DENND1A: variants seen among roughly 807,000 people sequenced by gnomAD.
DENND1A encodes DENN domain-containing protein 1A.
DENND1A carries 51 observed loss-of-function variants against 113.7 expected under a neutral mutation model. The ratio of observed to expected loss-of-function variants is 0.45; its 90% CI spans 0.36 to 0.57. The LOEUF is 0.57. DENND1A is among the 20% of genes least tolerant of loss of function. DENND1A has a pLI of 0.00. For missense variants in DENND1A, 1,258 were observed against 1,395.9 expected (o/e 0.90, Z 1.57); for synonymous variants, 565 against 570.8 (o/e 0.99, Z 0.14).
intron 2 of DENND1A, among the ~76,000 whole-genome samples, chr9:123,856,116 T>C (rs556204521): frequency 6.6e-6 from 1 of 152,162 alleles, no homozygotes; most frequent in Admixed American, 6.5e-5. Context: ...TGGCAATGAA[T>C]TGGATAACAA....
intron 5 of DENND1A, among the ~76,000 whole-genome samples, chr9:123,719,289 T>A (rs1293776143): frequency 6.6e-6 from 1 of 152,210 alleles, no homozygotes; most frequent in African/African-American, 2.4e-5. Context: ...CAGAGGTACC[T>A]TGCTCAGTAT....
At chr9:123,473,839 C>A (rs1192025238) in intron 13 of DENND1A, among the ~76,000 whole-genome samples, 1 of 152,148 alleles carries the variant, frequency 6.6e-6, no homozygotes, top group Non-Finnish European at 1.5e-5. Context: ...GAGATCCAGG[C>A]CTTGGAGCAA....
intron 1 of DENND1A, among the ~76,000 whole-genome samples, chr9:123,894,991 T>G (rs183135713): frequency 3.3e-5 from 5 of 151,398 alleles, no homozygotes; most frequent in Admixed American, 3.3e-4. Flanking sequence ...TGAATGCTCA[T>G]GCAGAGGCTG....
intron 1 of DENND1A, among the ~76,000 whole-genome samples, chr9:123,929,482 A>T (rs1449769796): frequency 6.6e-6 from 1 of 152,200 alleles, no homozygotes; most frequent in Admixed American, 6.5e-5. Context: ...TCAAGCGGCC[A>T]GGCTGCAACC....
At chr9:123,780,592 C>A (rs1484332385) in intron 3 of DENND1A, among the ~76,000 whole-genome samples, 2 of 152,100 alleles carry the variant, frequency 1.3e-5, no homozygotes, top group African/African-American at 4.8e-5. Flanking sequence ...AATATTTATT[C>A]TTGACATTGA....
intron 2 of DENND1A, among the ~76,000 whole-genome samples, chr9:123,862,043 C>T (rs1845131264): frequency 6.6e-6 from 1 of 152,136 alleles, no homozygotes; most frequent in Non-Finnish European, 1.5e-5. Flanking sequence ...GTCCCAACCG[C>T]TAAGGAATGA....
chr9:123,712,733 A>G (rs534364179), intron 5 of DENND1A, among the ~76,000 whole-genome samples: 103 of 152,364 alleles, frequency 6.8e-4, no homozygotes, highest in Admixed American at 1.4e-3. Context: ...ATTAATTAAC[A>G]AAACAGGCTA....
At chr9:123,458,962 A>AAAAC (rs369078427) in intron 13 of DENND1A, among the ~76,000 whole-genome samples, 207 of 152,208 alleles carry the variant, frequency 1.4e-3, no homozygotes, top group African/African-American at 3.8e-3. Context: ...ACTCCGTCTC[A>AAAAC]AAACAAACAA....
chr9:123,912,469 A>C lies in DENND1A; in HGVS notation c.17+17420T>G, dbSNP rs1419640244. ...GCTTTCTTCTAGCCAAAGGACCAAAAAGGGCAGCTAATAAGTCAAAAAATT... is the reference window on the plus strand; with the variant it reads ...GCTTTCTTCTAGCCAAAGGACCAAACAGGGCAGCTAATAAGTCAAAAAATT... On this transcript the variant is annotated intron_variant, in intron 1 of 23. Coordinates refer to ENST00000394215, the MANE Select transcript of DENND1A (RefSeq NM_001352964.2). 2.6e-5 allele frequency among the ~76,000 whole-genome samples: 4 copies of C among 152,200 alleles called. No homozygotes were observed. In the East Asian group the frequency reaches 7.7e-4, roughly 29 times the overall value.
At chr9:123,687,638 C>G (rs1387002119) in intron 5 of DENND1A, among the ~76,000 whole-genome samples, 1 of 152,242 alleles carries the variant, frequency 6.6e-6, no homozygotes, top group African/African-American at 2.4e-5. Flanking sequence ...GGAAACTGGT[C>G]TGCTCTCAAG....
Position 123,562,112 on chromosome 9 carries a change from A to C in DENND1A, c.868-4417T>G, listed in dbSNP as rs76005785. On this transcript the variant is annotated intron_variant, in intron 12 of 23. Coordinates refer to ENST00000394215, the MANE Select transcript of DENND1A (RefSeq NM_001352964.2). The stretch of plus-strand genomic sequence containing the variant: ...CCAAATCCAATCACTTTGATCCTCC[A>C]TCAAAACCCTTCGGTGCCCCCGCCC... Among the ~76,000 whole-genome samples, 1,154 of 152,262 alleles carry C rather than the reference A, an allele frequency of 7.6e-3. 20 individuals are homozygous for C. Among genetic ancestry groups the C allele is most frequent in the African/African-American group, 0.026 (1,093 of 41,538 alleles).
intron 2 of DENND1A, among the ~76,000 whole-genome samples, chr9:123,833,594 G>C (rs1054471618): frequency 6.6e-6 from 1 of 152,132 alleles, no homozygotes; most frequent in Non-Finnish European, 1.5e-5. Flanking sequence ...AGCTTCACTA[G>C]CAGTAAATAG....
chr9:123,565,361 C>T (rs968597747), intron 12 of DENND1A, among the ~76,000 whole-genome samples: 4 of 152,300 alleles, frequency 2.6e-5, no homozygotes, highest in Middle Eastern at 3.4e-3. Flanking sequence ...TCAGTGCTGG[C>T]GCACCTCATT....
intron 2 of DENND1A, among the ~76,000 whole-genome samples, chr9:123,803,161 G>A (rs541231051): frequency 4.6e-5 from 7 of 152,090 alleles, no homozygotes; most frequent in African/African-American, 1.7e-4. Flanking sequence ...CCAACTACCC[G>A]CCTGCACCCA....
chr9:123,434,799 G>A (rs898632334), intron 19 of DENND1A, among the ~76,000 whole-genome samples: 2 of 152,086 alleles, frequency 1.3e-5, no homozygotes, highest in East Asian at 1.9e-4. Flanking sequence ...GGGGTGAGGC[G>A]GCCACTAGTG....
chr9:123,494,040 C>A (rs1002008795), intron 13 of DENND1A, among the ~76,000 whole-genome samples: 1 of 152,142 alleles, frequency 6.6e-6, no homozygotes, highest in Non-Finnish European at 1.5e-5. Flanking sequence ...TAGCCAGAGG[C>A]CCCCCACATT....
intron 1 of DENND1A, among the ~76,000 whole-genome samples, chr9:123,903,114 C>T (rs1040907185): frequency 2.6e-5 from 4 of 151,520 alleles, no homozygotes; most frequent in East Asian, 3.9e-4. Flanking sequence ...AGGCGGATCA[C>T]GAGGTCAGGA....
intron 11 of DENND1A, among the ~76,000 whole-genome samples, chr9:123,597,875 A>G (rs893780321): frequency 2.0e-5 from 3 of 152,194 alleles, no homozygotes; most frequent in African/African-American, 4.8e-5. Flanking sequence ...CATTCCAGGG[A>G]AGGTTTTCAT....
intron 21 of DENND1A, among the ~76,000 whole-genome samples, chr9:123,392,163 CG>C (rs2042888692): frequency 6.6e-6 from 1 of 152,188 alleles, no homozygotes; most frequent in South Asian, 2.1e-4. Flanking sequence ...GAAGCAGGGA[CG>C]TGCTCCATGC....
Sources: gnomAD v4.1 joint callset for allele counts (sites outside exome capture counted in the v4.1 genomes callset) on GRCh38, gnomAD v4.1.1 for gene constraint, MANE v1.5 for transcripts, NCBI Gene and HGNC (gene_info 2026-07-23, HGNC 2026-07-21) for gene names.